The following NAALADL2 variants were observed in gnomAD, a reference collection of about 807,000 sequenced individuals.
NAALADL2 encodes inactive N-acetylated-alpha-linked acidic dipeptidase-like protein 2.
Under a neutral mutation model 87.2 loss-of-function variants are expected in NAALADL2, and 76 were observed. That is an observed-to-expected ratio of 0.87 (90% CI 0.72 to 1.05). The LOEUF (loss-of-function observed/expected upper bound fraction) is 1.05. Ranked by LOEUF, NAALADL2 falls within the 50% of genes least tolerant of loss-of-function variation. NAALADL2 has a pLI of 0.00. For synonymous variants in NAALADL2, 354 were observed against 331.0 expected (o/e 1.07, Z -0.75); for missense variants, 1,089 against 945.8 (o/e 1.15, Z -1.99).
intron 9 of NAALADL2, among the ~76,000 whole-genome samples, chr3:175,500,822 A>C (rs377241407): frequency 2.0e-3 from 297 of 152,304 alleles, no homozygotes; most frequent in African/African-American, 6.9e-3. Flanking sequence ...ATCTGGTTCC[A>C]GAGTCTATTC....
chr3:174,968,006 CTATTT>C (rs1172797417), intron 1 of NAALADL2, among the ~76,000 whole-genome samples: 1 of 152,196 alleles, frequency 6.6e-6, no homozygotes, highest in Non-Finnish European at 1.5e-5. Flanking sequence ...CCTGAGAAAT[CTATTT>C]TAAGTCTCCC....
intron 5 of NAALADL2, among the ~76,000 whole-genome samples, chr3:175,407,783 C>T (rs1428360511): frequency 6.6e-6 from 1 of 152,190 alleles, no homozygotes; most frequent in South Asian, 2.1e-4. Context: ...TATTTTCTGC[C>T]AATAAGCTAT....
chr3:175,794,955 G>A (rs900590618), intron 13 of NAALADL2, among the ~76,000 whole-genome samples: 3 of 152,176 alleles, frequency 2.0e-5, no homozygotes, highest in African/African-American at 7.2e-5. Flanking sequence ...CGGGTACTCT[G>A]GCTGGCTTGT....
intron 1 of NAALADL2, among the ~76,000 whole-genome samples, chr3:175,003,597 T>C (rs1169790598): frequency 6.6e-6 from 1 of 152,124 alleles, no homozygotes; most frequent in African/African-American, 2.4e-5. Context: ...ATTCCATAAG[T>C]TAAATAAGAA....
rs115694810 is a variant in NAALADL2, at chr3:175,218,971, A to G, written c.546-14960A>G. Among the ~76,000 whole-genome samples, 1,165 of 151,968 alleles carry G rather than the reference A, an allele frequency of 7.7e-3. 22 individuals carry two copies. The highest frequency in any genetic ancestry group is 0.027 in the African/African-American group (1,130 of 41,460). ...CAGGTGTGAGCCACCGTGCCCAGCC[A>G]TTCATTTTATTACTGTATAATATTT... is the stretch of plus-strand genomic sequence containing the variant. On this transcript the variant is annotated intron_variant, in intron 2 of 13. Transcript: ENST00000454872.
At chr3:175,562,177 G>A (rs1005312314) in intron 9 of NAALADL2, among the ~76,000 whole-genome samples, 1 of 152,180 alleles carries the variant, frequency 6.6e-6, no homozygotes, top group African/African-American at 2.4e-5. Flanking sequence ...GGGTTAAAGA[G>A]TCAAGAATAC....
intron 1 of NAALADL2, among the ~76,000 whole-genome samples, chr3:174,449,870 C>T (rs1715353241): frequency 6.6e-6 from 1 of 151,942 alleles, no homozygotes; most frequent in Admixed American, 6.5e-5. Flanking sequence ...CAGTTTTTTT[C>T]TGTTACCTAA....
In NAALADL2 at chr3:175,139,594, A is replaced by T. The variant is rs566430476; in HGVS notation, c.545+42303A>T. Reference sequence around the variant, plus strand: ...CCTTAGTATCACCTTCTTATATTTTATTATCCATATTCAGAGAATTTTTTT... The same window carrying T: ...CCTTAGTATCACCTTCTTATATTTTTTTATCCATATTCAGAGAATTTTTTT... On this transcript the variant is annotated intron_variant, in intron 2 of 13. Transcript: ENST00000454872. 9.9e-5 allele frequency among the ~76,000 whole-genome samples: 15 copies of T among 152,152 alleles called. No homozygotes were observed. In the South Asian group the frequency reaches 3.1e-3, roughly 32 times the overall value.
At chr3:175,662,565 C>T (rs548457699) in intron 11 of NAALADL2, among the ~76,000 whole-genome samples, 64 of 151,958 alleles carry the variant, frequency 4.2e-4, no homozygotes, top group African/African-American at 1.5e-3. Context: ...TTCTCATGTT[C>T]CTGATCTTAA....
At chr3:174,926,540 G>T (rs1014374825) in intron 1 of NAALADL2, among the ~76,000 whole-genome samples, 14 of 152,026 alleles carry the variant, frequency 9.2e-5, no homozygotes, top group Admixed American at 5.9e-4. Context: ...AAGAGAGTGG[G>T]GGCCAATATT....
chr3:174,626,789 C>T (rs866377848), intron 2 of NAALADL2, among the ~76,000 whole-genome samples: 5 of 152,052 alleles, frequency 3.3e-5, no homozygotes, highest in East Asian at 1.9e-4. Flanking sequence ...AATGAAAGTG[C>T]GCTTTTTCAT....
At chr3:175,287,455 A>G (rs1265993528) in intron 4 of NAALADL2, among the ~76,000 whole-genome samples, 5 of 152,218 alleles carry the variant, frequency 3.3e-5, no homozygotes, top group Admixed American at 3.3e-4. Flanking sequence ...ACATTAACTC[A>G]GTAACCCTCA....
intron 2 of NAALADL2, among the ~76,000 whole-genome samples, chr3:174,568,929 T>C (rs1391343975): frequency 6.6e-6 from 1 of 151,560 alleles, no homozygotes; most frequent in East Asian, 1.9e-4. Flanking sequence ...TTCTTTAAAT[T>C]ATACCATTAT....
At chr3:175,231,005 C>A (rs1276408759) in intron 2 of NAALADL2, among the ~76,000 whole-genome samples, 1 of 151,922 alleles carries the variant, frequency 6.6e-6, no homozygotes, top group Non-Finnish European at 1.5e-5. Flanking sequence ...AAAACAACTT[C>A]AAAATATTTA....
intron 3 of NAALADL2, among the ~76,000 whole-genome samples, chr3:174,768,210 G>A (rs1325688738): frequency 1.3e-5 from 2 of 152,148 alleles, no homozygotes; most frequent in African/African-American, 2.4e-5. Flanking sequence ...TTGTTTTGGA[G>A]AGGAAGTGTT....
intron 1 of NAALADL2, among the ~76,000 whole-genome samples, chr3:174,939,880 G>T (rs1171482893): frequency 2.0e-5 from 3 of 152,022 alleles, no homozygotes; most frequent in African/African-American, 7.2e-5. Flanking sequence ...TGCTGAAGCT[G>T]TTTATCAGCT....
intron 4 of NAALADL2, among the ~76,000 whole-genome samples, chr3:175,272,170 A>ATGT (rs1752939260): frequency 6.6e-6 from 1 of 152,160 alleles, no homozygotes; most frequent in Non-Finnish European, 1.5e-5. Context: ...ACATCGATGG[A>ATGT]CTAATTCAAT....
chr3:175,748,409 T>C (rs965271151), intron 12 of NAALADL2, among the ~76,000 whole-genome samples: 2 of 152,206 alleles, frequency 1.3e-5, no homozygotes, highest in African/African-American at 4.8e-5. Context: ...TAAGATGACA[T>C]TAGGTAATAT....
rs150193759 is a variant in NAALADL2 at position 174,951,409 on chromosome 3, A to G, written c.43+91959A>G. Reference sequence around the variant, plus strand: ...CAAATATGCTGACAGATACGACTCAACTAAAATGATCAAAAAAAGAGAAAA... The same window carrying G: ...CAAATATGCTGACAGATACGACTCAGCTAAAATGATCAAAAAAAGAGAAAA... On this transcript the variant is annotated intron_variant, in intron 1 of 13. Coordinates refer to ENST00000454872, the MANE Select transcript of NAALADL2 (RefSeq NM_207015.3). 4.0e-3 allele frequency among the ~76,000 whole-genome samples: 610 copies of G among 152,204 alleles called. 7 individuals carry two copies. The highest frequency in any genetic ancestry group is 0.014 in the African/African-American group (583 of 41,550).
Sources: allele counts gnomAD v4.1 joint callset (sites outside exome capture counted in the v4.1 genomes callset), GRCh38; gene constraint gnomAD v4.1.1; transcripts MANE v1.5; gene names NCBI Gene and HGNC (gene_info 2026-07-23, HGNC 2026-07-21).